RIMS2: variants seen among roughly 807,000 people sequenced by gnomAD.
The protein encoded by RIMS2 is regulating synaptic membrane exocytosis 2.
A neutral mutation model predicts 174.4 loss-of-function variants in RIMS2; 59 were observed. The ratio of observed to expected loss-of-function variants is 0.34; its 90% confidence interval spans 0.27 to 0.42. The LOEUF is 0.42. Ranked by LOEUF, RIMS2 falls within the 10% of genes least tolerant of loss-of-function variation. The probability of loss-of-function intolerance (pLI) is 1.00; values close to 1 mark genes in which losing one functional copy is unlikely to be tolerated. For missense variants in RIMS2, 1,620 were observed against 1,666.3 expected (o/e 0.97, Z 0.48); for synonymous variants, 606 against 572.5 (o/e 1.06, Z -0.84).
At chr8:104,182,945 T>C (rs1246051719) in intron 19 of RIMS2, among the ~76,000 whole-genome samples, 2 of 151,782 alleles carry the variant, frequency 1.3e-5, no homozygotes, top group Non-Finnish European at 2.9e-5. Context: ...ATGGAACAGC[T>C]GCAGCTATTC....
At chr8:103,968,397 T>C (rs1369710974) in intron 15 of RIMS2, among the ~76,000 whole-genome samples, 5 of 152,170 alleles carry the variant, frequency 3.3e-5, no homozygotes, top group Admixed American at 2.6e-4. Flanking sequence ...TGTTTATTTT[T>C]GTCTTCTATT....
At chr8:104,071,933 T>C (rs1598239066) in intron 19 of RIMS2, among the ~76,000 whole-genome samples, 1 of 152,348 alleles carries the variant, frequency 6.6e-6, no homozygotes, top group East Asian at 1.9e-4. Flanking sequence ...ATAAATGATC[T>C]GACATCTTTA....
intron 1 of RIMS2, among the ~76,000 whole-genome samples, chr8:103,518,797 C>A (rs1475103573): frequency 6.6e-6 from 1 of 152,000 alleles, no homozygotes; most frequent in African/African-American, 2.4e-5. Context: ...GAATTCTTAC[C>A]AGTGCTCACT....
rs541779533 is a variant in RIMS2, at chr8:103,520,341, G to A, written c.176+19279G>A. 2.6e-5 allele frequency among the ~76,000 whole-genome samples: 4 copies of A among 152,202 alleles called. No individual in the cohort carries two copies. The South Asian group carries it at 6.2e-4, about 24-fold the overall frequency. ...TTCATTTGTTTACATGAAGTCTTGA[G>A]GGTTAGAAGATGAGCCTAGAGTGAG... On this transcript the variant is annotated intron_variant, in intron 1 of 23. Transcript: ENST00000504942.
intron 19 of RIMS2, among the ~76,000 whole-genome samples, chr8:104,039,537 G>C (rs1253326682): frequency 4.0e-4 from 61 of 151,642 alleles, no homozygotes; most frequent in Admixed American, 4.0e-3. Context: ...TGTTTACGTA[G>C]TTTTTATACT....
At chr8:103,910,094 A>T in intron 4 of RIMS2, 1 of 1,274,520 alleles carries the variant, frequency 7.8e-7, no homozygotes, top group Non-Finnish European at 1.1e-6. Flanking sequence ...CCCTTTTTTC[A>T]CCATCTCCTT....
At chr8:103,513,078 G>A (rs889616204) in intron 1 of RIMS2, among the ~76,000 whole-genome samples, 1 of 152,200 alleles carries the variant, frequency 6.6e-6, no homozygotes, top group Non-Finnish European at 1.5e-5. Context: ...ATTCCTGGAT[G>A]TATGCATAGT....
chr8:103,554,716 C>T (rs539358179), intron 1 of RIMS2, among the ~76,000 whole-genome samples: 3 of 152,216 alleles, frequency 2.0e-5, no homozygotes, highest in Admixed American at 2.0e-4. Context: ...ATCACTGTAC[C>T]ATAAAGACAC....
intron 2 of RIMS2, among the ~76,000 whole-genome samples, chr8:103,752,144 G>A (rs1041429216): frequency 4.6e-5 from 7 of 152,142 alleles, no homozygotes; most frequent in Admixed American, 6.5e-5. Flanking sequence ...GTAAGGAAGG[G>A]ATCCAGTTTC....
Position 103,822,817 on chromosome 8 carries a change from T to C in RIMS2, c.698+56280T>C, listed in dbSNP as rs532367897. ...TTCTCATTGTAAACTCTCTCTCAAG[T>C]GAAATTATTTAATCAGGACACAAAG... On this transcript the variant is annotated intron_variant, in intron 3 of 23. Transcript: ENST00000504942. Among the ~76,000 whole-genome samples the C allele has an allele frequency of 3.9e-5, 6 of 152,074 alleles. No individual in the cohort carries two copies. In the South Asian group the frequency reaches 1.2e-3, roughly 31 times the overall value.
At chr8:104,081,957 T>C (rs2097428187) in intron 19 of RIMS2, among the ~76,000 whole-genome samples, 1 of 152,090 alleles carries the variant, frequency 6.6e-6, no homozygotes, top group African/African-American at 2.4e-5. Flanking sequence ...TCTCTGTTTT[T>C]TAAGGCATTT....
intron 3 of RIMS2, among the ~76,000 whole-genome samples, chr8:103,828,773 T>C (rs2098807085): frequency 6.6e-6 from 1 of 152,202 alleles, no homozygotes; most frequent in Non-Finnish European, 1.5e-5. Flanking sequence ...AGATTCAATC[T>C]TCTGCATATG....
intron 1 of RIMS2, among the ~76,000 whole-genome samples, chr8:103,625,720 CAG>C (rs2095765028): frequency 6.6e-6 from 1 of 152,008 alleles, no homozygotes; most frequent in East Asian, 1.9e-4. Context: ...AAACATTTAA[CAG>C]AAATTTATTG....
intron 19 of RIMS2, among the ~76,000 whole-genome samples, chr8:104,065,532 G>A (rs1011438527): frequency 6.6e-6 from 1 of 152,036 alleles, no homozygotes; most frequent in South Asian, 2.1e-4. Flanking sequence ...TCTCTCTAAG[G>A]TTATTATTCT....
chr8:103,518,129 T>G (rs927277978), intron 1 of RIMS2, among the ~76,000 whole-genome samples: 1 of 152,142 alleles, frequency 6.6e-6, no homozygotes, highest in Non-Finnish European at 1.5e-5. Context: ...TCATTTTAAT[T>G]ATGAATGTGT....
At chr8:103,600,479 G>A (rs1208840704) in intron 1 of RIMS2, among the ~76,000 whole-genome samples, 1 of 151,970 alleles carries the variant, frequency 6.6e-6, no homozygotes, top group African/African-American at 2.4e-5. Flanking sequence ...CCATATTGGC[G>A]AGGCTGGTCT....
At chr8:104,054,784 G>C (rs539032607) in intron 19 of RIMS2, among the ~76,000 whole-genome samples, 1 of 152,058 alleles carries the variant, frequency 6.6e-6, no homozygotes, top group African/African-American at 2.4e-5. Context: ...ATTTTTCTCT[G>C]TAGGTTTGCA....
At chr8:103,604,239 C>T (rs374092789) in intron 1 of RIMS2, among the ~76,000 whole-genome samples, 6 of 150,796 alleles carry the variant, frequency 4.0e-5, no homozygotes, top group African/African-American at 1.2e-4. Context: ...TTCCCAGCAC[C>T]ATTTATTAAA....
At chr8:103,536,992 T>A (rs1384529378) in intron 1 of RIMS2, among the ~76,000 whole-genome samples, 2 of 152,200 alleles carry the variant, frequency 1.3e-5, no homozygotes, top group Non-Finnish European at 2.9e-5. Flanking sequence ...AATTCTCTGA[T>A]CTATTCATTG....
Sources: allele counts gnomAD v4.1 joint callset (sites outside exome capture counted in the v4.1 genomes callset), GRCh38; gene constraint gnomAD v4.1.1; transcripts MANE v1.5; gene names NCBI Gene and HGNC (gene_info 2026-07-23, HGNC 2026-07-21).